The following FANCL variants were observed in gnomAD, a reference collection of about 807,000 sequenced individuals.
The protein encoded by FANCL is E3 ubiquitin-protein ligase FANCL.
A neutral mutation model predicts 59.4 loss-of-function variants in FANCL; 69 were observed. The ratio of observed to expected loss-of-function variants is 1.16; its 90% confidence interval spans 0.96 to 1.42. The LOEUF (loss-of-function observed/expected upper bound fraction) is 1.42. Among genes scored for constraint, FANCL ranks in the 40% most tolerant of loss-of-function variants. FANCL has a pLI of 0.00. For missense variants in FANCL, 519 were observed against 447.2 expected (o/e 1.16, Z -1.45); for synonymous variants, 180 against 147.1 (o/e 1.22, Z -1.62).
chr2:58,163,543 T>C (rs1685528101), intron 8 of FANCL, 26 bp from the exon 9 acceptor site: 1 of 1,440,492 alleles, frequency 6.9e-7, no homozygotes. Context: ...ATTAAATCTT[T>C]TAGAAGTAGA....
rs1684707869 is a variant in FANCL, at chr2:58,159,426, C to T, written c.*339G>A. ...AAGTAAACAGTTTCCCACAAAAAAT[C>T]AGCTATACACAATTCCCAAACTCAT... On this transcript the variant is annotated 3_prime_UTR_variant, in exon 14 of 14. Coordinates refer to ENST00000233741, the MANE Select transcript of FANCL (RefSeq NM_018062.4). 1.2e-6 allele frequency: 2 copies of T among 1,613,340 alleles called. No individual in the cohort carries two copies. Among genetic ancestry groups the T allele is most frequent in the African/African-American group, 2.7e-5 (2 of 74,874 alleles).
At position 58,159,692 on chromosome 2, in the gene FANCL, G is replaced by A; in HGVS notation, c.*73C>T. On this transcript the variant is annotated 3_prime_UTR_variant, in exon 14 of 14. Transcript: ENST00000233741. The stretch of plus-strand genomic sequence containing the variant: ...GTATTTCTTGCTTTATTTTTTCTCT[G>A]AAGATGATACCAAAATTCCTTTTGA... 6.2e-7 allele frequency: 1 copy of A among 1,612,358 alleles called. No individual in the cohort carries two copies. The highest frequency in any genetic ancestry group is 8.5e-7 in the Non-Finnish European group (1 of 1,179,382).
intron 6 of FANCL, among the ~76,000 whole-genome samples, chr2:58,200,773 A>G (rs1156530403): frequency 1.3e-5 from 2 of 151,924 alleles, no homozygotes; most frequent in Non-Finnish European, 2.9e-5. Context: ...TAGAGTAAAT[A>G]TATGATCCTA....
intron 7 of FANCL, among the ~76,000 whole-genome samples, chr2:58,196,632 C>T (rs1290041688): frequency 6.6e-6 from 1 of 151,872 alleles, no homozygotes; most frequent in Non-Finnish European, 1.5e-5. Context: ...CCTTCAAAGA[C>T]TTTCCAGTCT....
At chr2:58,226,063 C>T (rs1692971962) in intron 4 of FANCL, among the ~76,000 whole-genome samples, 1 of 152,000 alleles carries the variant, frequency 6.6e-6, no homozygotes, top group Non-Finnish European at 1.5e-5. Context: ...CAGAGGGATA[C>T]ATACAATATC....
intron 9 of FANCL, 88 bp downstream of exon 9, chr2:58,163,346 A>G (rs1310064334): frequency 1.1e-6 from 1 of 927,322 alleles, no homozygotes; most frequent in Non-Finnish European, 1.7e-6. Flanking sequence ...AACTACCATT[A>G]ATATACTAAT....
chr2:58,224,062 G>T (rs1692734436), intron 4 of FANCL, among the ~76,000 whole-genome samples: 1 of 151,742 alleles, frequency 6.6e-6, no homozygotes, highest in Non-Finnish European at 1.5e-5. Context: ...TTCAGAAATT[G>T]AATAAATATA....
In FANCL at chr2:58,221,981, G is replaced by C. The variant is rs756590256; in HGVS notation, c.335C>G (p.Ser112Ter). ...YALPPPPQFY[S>*]SLIEEIGTLG... Reference sequence around the variant, plus strand: ...AGTTCCTATCTCTTCAATAAGGCTTGAGTAGAACTGGGGAGGAGGAGGTAG... The same window carrying C: ...AGTTCCTATCTCTTCAATAAGGCTTCAGTAGAACTGGGGAGGAGGAGGTAG... Residue 112 changes from serine to a stop codon, truncating the protein, a stop_gained, in exon 5 of 14, where the codon TCA (serine) becomes TGA (stop). Transcript: ENST00000233741. LOFTEE classifies it high-confidence loss of function. The C allele has an allele frequency of 6.2e-7, 1 of 1,613,326 alleles. No homozygotes were observed. The highest frequency in any genetic ancestry group is 1.3e-5 in the African/African-American group (1 of 74,910).
intron 5 of FANCL, among the ~76,000 whole-genome samples, chr2:58,214,760 A>C (rs1212805890): frequency 1.3e-5 from 2 of 152,012 alleles, no homozygotes; most frequent in African/African-American, 4.8e-5. Flanking sequence ...GATCTGCCCC[A>C]CCTCAGCCCC....
intron 7 of FANCL, among the ~76,000 whole-genome samples, chr2:58,174,257 G>T (rs1687021607): frequency 6.6e-6 from 1 of 152,092 alleles, no homozygotes; most frequent in South Asian, 2.1e-4. Context: ...AGGATACCCA[G>T]GAATTGAACT....
chr2:58,214,562 G>A (rs1420274873), intron 5 of FANCL, among the ~76,000 whole-genome samples: 2 of 152,158 alleles, frequency 1.3e-5, no homozygotes, highest in Admixed American at 1.3e-4. Context: ...AGACTGAAGT[G>A]CAGTGGTGTG....
chr2:58,161,755 T>C, intron 11 of FANCL, 117 bp from the exon 12 acceptor site: 1 of 697,412 alleles, frequency 1.4e-6, no homozygotes, highest in Admixed American at 2.1e-5. Context: ...AATGATGACA[T>C]CAGGATAATT....
chr2:58,172,317 C>G (rs1686730449), intron 7 of FANCL, among the ~76,000 whole-genome samples: 1 of 152,234 alleles, frequency 6.6e-6, no homozygotes, highest in African/African-American at 2.4e-5. Flanking sequence ...TTCTTGACCC[C>G]TGACCCCTGA....
At chr2:58,186,935 GGA>G (rs1688459511) in intron 7 of FANCL, among the ~76,000 whole-genome samples, 1 of 152,142 alleles carries the variant, frequency 6.6e-6, no homozygotes, top group Non-Finnish European at 1.5e-5. Context: ...TGGAGGATGT[GGA>G]GAAATAGGAA....
intron 5 of FANCL, 83 bp downstream of exon 5, chr2:58,221,859 G>A (rs1692510881): frequency 3.2e-6 from 3 of 931,664 alleles, no homozygotes; most frequent in Non-Finnish European, 5.1e-6. Context: ...CTAAAATCAG[G>A]TATAAACTGC....
At chr2:58,200,476 T>A (rs950095725) in intron 6 of FANCL, among the ~76,000 whole-genome samples, 2 of 152,076 alleles carry the variant, frequency 1.3e-5, no homozygotes, top group African/African-American at 4.8e-5. Flanking sequence ...AATGGAAAAT[T>A]TAGTTCATTT....
At chr2:58,178,669 C>T (rs769156276) in intron 7 of FANCL, among the ~76,000 whole-genome samples, 11 of 152,082 alleles carry the variant, frequency 7.2e-5, no homozygotes, top group African/African-American at 2.7e-4. Context: ...TGCAAACCAG[C>T]ACAAGACAAG....
At position 58,161,380 on chromosome 2, in the gene FANCL, G is replaced by A; in HGVS notation, c.1020+142C>T. ...AAGAAATGAAGCACATAAGCATCTGGAATAAACTGGTAAAAGGAGTTAATG... is the reference window on the plus strand; with the variant it reads ...AAGAAATGAAGCACATAAGCATCTGAAATAAACTGGTAAAAGGAGTTAATG... On this transcript the variant is annotated intron_variant, in intron 12 of 13. Transcript: ENST00000233741. The A allele has an allele frequency of 3.2e-5, 22 of 691,820 alleles. No homozygotes were observed. In the South Asian group the frequency reaches 3.4e-4, roughly 11 times the overall value. The allele number at this position is 691,820 out of a possible 1,614,324, so 42.9% of individuals were successfully genotyped here.
intron 4 of FANCL, among the ~76,000 whole-genome samples, chr2:58,222,963 T>C (rs1419190184): frequency 6.6e-6 from 1 of 151,818 alleles, no homozygotes; most frequent in Non-Finnish European, 1.5e-5. Context: ...GTAATTTTTA[T>C]TCTTTTAAGT....
Sources: gnomAD v4.1 joint callset for allele counts (sites outside exome capture counted in the v4.1 genomes callset) on GRCh38, gnomAD v4.1.1 for gene constraint, MANE v1.5 for transcripts, NCBI Gene and HGNC (gene_info 2026-07-23, HGNC 2026-07-21) for gene names.